Variants in MEF2C observed in about 807,000 individuals in gnomAD.
MEF2C encodes myocyte enhancer factor 2C.
Under a neutral mutation model 50.5 loss-of-function variants are expected in MEF2C, and 6 were observed. That is an observed-to-expected ratio of 0.12 (90% CI 0.07 to 0.23). The LOEUF is 0.23. Among genes scored for constraint, MEF2C ranks in the 10% least tolerant of loss-of-function variants. The pLI is 1.00. For missense variants in MEF2C, 276 were observed against 605.0 expected (o/e 0.46, Z 5.70); for synonymous variants, 183 against 228.0 (o/e 0.80, Z 1.78).
At chr5:88,763,768 A>G (rs987356907) in intron 3 of MEF2C, among the ~76,000 whole-genome samples, 8 of 151,530 alleles carry the variant, frequency 5.3e-5, no homozygotes, top group Non-Finnish European at 1.0e-4. Context: ...AATCCTTCCA[A>G]CTCAGCCTCC....
chr5:88,842,691 G>A (rs978517723), intron 1 of MEF2C, among the ~76,000 whole-genome samples: 6 of 151,916 alleles, frequency 3.9e-5, no homozygotes, highest in African/African-American at 7.3e-5. Flanking sequence ...GAAAAAATTC[G>A]CAGTAGGAAA....
At chr5:88,752,833 T>C in intron 4 of MEF2C, 1 of 872,286 alleles carries the variant, frequency 1.1e-6, no homozygotes, top group African/African-American at 1.8e-5. Flanking sequence ...ATCATGTTTA[T>C]GTTTCTGCTG....
intron 3 of MEF2C, among the ~76,000 whole-genome samples, chr5:88,801,755 G>A (rs896151874): frequency 2.0e-5 from 3 of 152,144 alleles, no homozygotes; most frequent in African/African-American, 7.2e-5. Flanking sequence ...CAAAGTACTG[G>A]GATTACAGGT....
chr5:88,830,069 A>C (rs993532110), intron 1 of MEF2C, among the ~76,000 whole-genome samples: 2 of 152,066 alleles, frequency 1.3e-5, no homozygotes, highest in African/African-American at 4.8e-5. Context: ...AATGATTAGC[A>C]ATTCTGACAG....
At chr5:88,737,614 T>C (rs1764670665) in intron 6 of MEF2C, 2 of 985,260 alleles carry the variant, frequency 2.0e-6, no homozygotes, top group African/African-American at 3.5e-5. Flanking sequence ...AAAAGAATGG[T>C]GGCAGGGTGG....
chr5:88,890,281 C>A (rs1834397873), intron 1 of MEF2C, among the ~76,000 whole-genome samples: 1 of 152,094 alleles, frequency 6.6e-6, no homozygotes, highest in African/African-American at 2.4e-5. Context: ...CCCCTTGTAC[C>A]CCCTTTATTT....
intron 3 of MEF2C, among the ~76,000 whole-genome samples, chr5:88,801,678 G>A (rs1341334517): frequency 1.3e-5 from 2 of 151,966 alleles, no homozygotes; most frequent in Non-Finnish European, 2.9e-5. Flanking sequence ...AGTAGAGACG[G>A]GGTTTCACCA....
intron 2 of MEF2C, among the ~76,000 whole-genome samples, chr5:88,813,978 A>T (rs1477159781): frequency 1.3e-5 from 2 of 152,000 alleles, no homozygotes; most frequent in African/African-American, 4.8e-5. Context: ...ATAATCTCTC[A>T]GTTTCCTCCC....
intron 4 of MEF2C, among the ~76,000 whole-genome samples, chr5:88,759,193 G>A (rs1193851166): frequency 6.6e-6 from 1 of 152,150 alleles, no homozygotes; most frequent in Admixed American, 6.5e-5. Flanking sequence ...CTAAAAATTG[G>A]CCCAAATGGC....
chr5:88,752,438 CTTTGATTT>C (rs1387333996), intron 4 of MEF2C, among the ~76,000 whole-genome samples: 1 of 152,158 alleles, frequency 6.6e-6, no homozygotes, highest in Non-Finnish European at 1.5e-5. Context: ...AAACCGAAGC[CTTTGATTT>C]AATTGCTTAT....
chr5:88,731,805 T>C lies in MEF2C; in HGVS notation c.734A>G (p.Asn245Ser), dbSNP rs1240688412. The C allele has an allele frequency of 1.2e-6, 2 of 1,613,316 alleles. No individual in the cohort carries two copies. The highest frequency in any genetic ancestry group is 1.7e-6 in the Non-Finnish European group (2 of 1,179,534). Residue 245 changes from asparagine (N) to serine (S), a missense_variant, in exon 7 of 11, where the codon AAT (asparagine) becomes AGT (serine). Physicochemically the swap from Asn to Ser is conservative, Grantham distance 46 (BLOSUM62 1). This residue lies in a region of MEF2C where 256 missense variants were observed against 468.1 expected (regional missense o/e 0.55). Coordinates refer to ENST00000504921, the MANE Select transcript of MEF2C (RefSeq NM_002397.5). ...TGGTTTACGGTTATTCATTCCTAAA[T>C]TCATTGGGGGAGGAGATTTTGCTTG... ...NMQAKSPPPM[N>S]LGMNNRKPDL...
chr5:88,891,526 C>T (rs1161934828), intron 1 of MEF2C, among the ~76,000 whole-genome samples: 1 of 151,824 alleles, frequency 6.6e-6, no homozygotes, highest in Non-Finnish European at 1.5e-5. Context: ...CCTCAGCCTC[C>T]CGAGTAGCTG....
chr5:88,850,820 C>T (rs1821050840), intron 1 of MEF2C, among the ~76,000 whole-genome samples: 1 of 151,530 alleles, frequency 6.6e-6, no homozygotes, highest in Admixed American at 6.6e-5. Flanking sequence ...TGAGAGAGTC[C>T]ACTTACACAT....
At chr5:88,816,223 G>T (rs541209742) in intron 2 of MEF2C, among the ~76,000 whole-genome samples, 63 of 152,172 alleles carry the variant, frequency 4.1e-4, no homozygotes, top group African/African-American at 1.4e-3. Flanking sequence ...GAATGAATGA[G>T]ATTGACGGGA....
intron 3 of MEF2C, among the ~76,000 whole-genome samples, chr5:88,804,223 T>A (rs1326919530): frequency 1.3e-5 from 2 of 152,182 alleles, no homozygotes; most frequent in Non-Finnish European, 2.9e-5. Flanking sequence ...AACTATTATA[T>A]ACCTAAAATA....
chr5:88,773,447 T>C (rs547592120), intron 3 of MEF2C, among the ~76,000 whole-genome samples: 7 of 152,152 alleles, frequency 4.6e-5, no homozygotes, highest in Non-Finnish European at 8.8e-5. Context: ...GTTAATAGAA[T>C]TAATGTCTCT....
chr5:88,900,486 T>G (rs1184505424), intron 1 of MEF2C, among the ~76,000 whole-genome samples: 2 of 151,906 alleles, frequency 1.3e-5, no homozygotes, highest in African/African-American at 2.4e-5. Context: ...CTTTGATAAT[T>G]TTTTTATTTC....
intron 6 of MEF2C, among the ~76,000 whole-genome samples, chr5:88,748,361 G>A (rs1401198800): frequency 1.3e-5 from 2 of 152,162 alleles, no homozygotes; most frequent in Admixed American, 6.5e-5. Context: ...ATGGTTACTT[G>A]TTATGCCAAT....
intron 1 of MEF2C, chr5:88,824,204 ATT>A (rs909490937): frequency 2.1e-6 from 2 of 953,642 alleles, no homozygotes; most frequent in Admixed American, 6.2e-5. Context: ...CTTGAAATGT[ATT>A]TTTTTTTGTA....
Sources: allele counts gnomAD v4.1 joint callset (sites outside exome capture counted in the v4.1 genomes callset), GRCh38; gene constraint gnomAD v4.1.1; regional missense constraint gnomAD v4.1.1; transcripts MANE v1.5; gene names NCBI Gene and HGNC (gene_info 2026-07-23, HGNC 2026-07-21).